LMNTD1: variants seen among roughly 807,000 people sequenced by gnomAD.
LMNTD1 encodes the protein lamin tail domain containing 1, also known as lamin tail domain-containing protein 1.
A neutral mutation model predicts 50.9 loss-of-function variants in LMNTD1; 35 were observed. The observed-to-expected ratio is 0.69, with a 90% CI of 0.53 to 0.91. The LOEUF is 0.91. LMNTD1 is among the 40% of genes least tolerant of loss of function. The pLI is 0.00. For synonymous variants in LMNTD1, 153 were observed against 161.9 expected, an observed-to-expected ratio of 0.94 and a Z score of 0.42; for missense variants, 470 against 475.5, an observed-to-expected ratio of 0.99 and a Z score of 0.11.
intron 1 of LMNTD1, among the ~76,000 whole-genome samples, chr12:25,574,507 TGTGA>T (rs374776816): frequency 2.5e-3 from 383 of 152,314 alleles, no homozygotes; most frequent in African/African-American, 8.6e-3. Flanking sequence ...AAATAAATAA[TGTGA>T]GTAAGGCACT....
chr12:25,484,893 C>A (rs867767364), intron 9 of LMNTD1, among the ~76,000 whole-genome samples: 10,755 of 147,306 alleles, frequency 0.073, 474 homozygotes, highest in Middle Eastern at 0.094. Context: ...TTTTCTTAAT[C>A]CAGTCTATCA....
intron 6 of LMNTD1, 82 bp downstream of exon 6, chr12:25,526,017 T>A: frequency 8.6e-7 from 1 of 1,168,280 alleles, no homozygotes. Context: ...TTGTATAAAA[T>A]AAAAAGAATA....
At chr12:25,601,581 T>G (rs1403961634) in intron 1 of LMNTD1, among the ~76,000 whole-genome samples, 1 of 151,904 alleles carries the variant, frequency 6.6e-6, no homozygotes, top group East Asian at 1.9e-4. Flanking sequence ...ACCCCACAAA[T>G]ATATGTACCT....
chr12:25,629,517 C>T (rs1031967754), intron 1 of LMNTD1, among the ~76,000 whole-genome samples: 4 of 152,210 alleles, frequency 2.6e-5, no homozygotes, highest in Non-Finnish European at 2.9e-5. Flanking sequence ...ACCACCCTCA[C>T]TAAGTGCCCT....
At chr12:25,572,103 G>T (rs1033597262) in intron 1 of LMNTD1, among the ~76,000 whole-genome samples, 2 of 152,206 alleles carry the variant, frequency 1.3e-5, no homozygotes, top group African/African-American at 2.4e-5. Context: ...TTTGCTATGA[G>T]AACTTATGTA....
chr12:25,595,773 A>G (rs1945831413), intron 1 of LMNTD1, among the ~76,000 whole-genome samples: 1 of 152,064 alleles, frequency 6.6e-6, no homozygotes, highest in South Asian at 2.1e-4. Flanking sequence ...GCAACAAAAA[A>G]TTACAAAAGA....
intron 1 of LMNTD1, among the ~76,000 whole-genome samples, chr12:25,613,272 T>G (rs550272302): frequency 3.3e-5 from 5 of 152,324 alleles, no homozygotes; most frequent in Non-Finnish European, 7.3e-5. Flanking sequence ...TTCTAGACTT[T>G]AAAGCACTCT....
chr12:25,550,302 A>G (rs531848020), intron 2 of LMNTD1, among the ~76,000 whole-genome samples: 2 of 152,326 alleles, frequency 1.3e-5, no homozygotes, highest in South Asian at 4.1e-4. Flanking sequence ...AAGTTAAACA[A>G]CACTTCATTG....
Position 25,552,940 on chromosome 12 carries a change from ATGTCT to A in LMNTD1, c.15_19del (p.Gln5HisfsTer11). 6.4e-7 allele frequency: 1 copy of A among 1,572,634 alleles called. No individual in the cohort carries two copies. The highest frequency in any genetic ancestry group is 8.6e-7 in the Non-Finnish European group (1 of 1,157,560). ...CTGCATTGCCTTCGAAGCTTCCTGAATGTCTTGTGTATCTTTCATCTTGGCTAGAA... is the reference window on the plus strand; with the variant it reads ...CTGCATTGCCTTCGAAGCTTCCTGAATGTGTATCTTTCATCTTGGCTAGAA... On this transcript the variant is annotated frameshift_variant, in exon 2 of 10. Coordinates refer to ENST00000458174, the MANE Select transcript of LMNTD1 (RefSeq NM_001145728.2). LOFTEE classifies it high-confidence loss of function.
intron 1 of LMNTD1, among the ~76,000 whole-genome samples, chr12:25,568,555 A>C (rs1317855477): frequency 6.6e-6 from 1 of 152,232 alleles, no homozygotes; most frequent in Admixed American, 6.5e-5. Context: ...CCTGGAAGGC[A>C]TTTCAGAGAC....
intron 9 of LMNTD1, among the ~76,000 whole-genome samples, chr12:25,480,892 T>G (rs1188988691): frequency 6.6e-6 from 1 of 152,216 alleles, no homozygotes; most frequent in Non-Finnish European, 1.5e-5. Flanking sequence ...CCTGTCTAGC[T>G]TGCTGTCCAA....
intron 1 of LMNTD1, among the ~76,000 whole-genome samples, chr12:25,572,800 ATCCCTCCC>A (rs895492770): frequency 6.7e-6 from 1 of 149,996 alleles, no homozygotes; most frequent in Admixed American, 6.7e-5. Flanking sequence ...CCATCCCTCC[ATCCCTCCC>A]TCCCTCCCTC....
intron 8 of LMNTD1, among the ~76,000 whole-genome samples, chr12:25,510,477 T>C (rs1282016872): frequency 2.0e-5 from 3 of 152,128 alleles, no homozygotes. Flanking sequence ...TGGCTTGATG[T>C]CTTTGTATCA....
chr12:25,597,562 AC>A, intron 1 of LMNTD1, among the ~76,000 whole-genome samples: 1 of 152,138 alleles, frequency 6.6e-6, no homozygotes, highest in East Asian at 1.9e-4. Flanking sequence ...TGGAGATTTC[AC>A]CCCACTTTCA....
chr12:25,576,651 A>G (rs967684799), intron 1 of LMNTD1, among the ~76,000 whole-genome samples: 2 of 151,948 alleles, frequency 1.3e-5, no homozygotes, highest in African/African-American at 4.8e-5. Context: ...TTGCCTGTTC[A>G]CTCTGATGGT....
At chr12:25,501,664 C>T (rs1489897288) in intron 9 of LMNTD1, among the ~76,000 whole-genome samples, 1 of 152,096 alleles carries the variant, frequency 6.6e-6, no homozygotes, top group African/African-American at 2.4e-5. Context: ...TAGTATCAGC[C>T]CTGCCTACCT....
intron 1 of LMNTD1, among the ~76,000 whole-genome samples, chr12:25,596,234 A>T (rs1036843342): frequency 6.6e-6 from 1 of 152,154 alleles, no homozygotes; most frequent in Non-Finnish European, 1.5e-5. Context: ...ATGAAGCAGT[A>T]TCACCCTAAT....
chr12:25,560,203 T>G (rs1269653433), intron 1 of LMNTD1, among the ~76,000 whole-genome samples: 1 of 152,250 alleles, frequency 6.6e-6, no homozygotes, highest in Non-Finnish European at 1.5e-5. Context: ...TCAATCCATC[T>G]TGAATTAATT....
upstream of LMNTD1, among the ~76,000 whole-genome samples, chr12:25,555,527 C>T (rs1434058050): frequency 6.6e-6 from 1 of 152,142 alleles, no homozygotes; most frequent in African/African-American, 2.4e-5. Flanking sequence ...AACTTAAGCA[C>T]ATGGTACTTA....
Sources: allele counts gnomAD v4.1 joint callset (sites outside exome capture counted in the v4.1 genomes callset), GRCh38; gene constraint gnomAD v4.1.1; transcripts MANE v1.5; gene names NCBI Gene and HGNC (gene_info 2026-07-23, HGNC 2026-07-21).